COL12A1: variants seen among roughly 807,000 people sequenced by gnomAD.
COL12A1 encodes collagen type XII alpha 1 chain, also known as collagen alpha-1(XII) chain.
In COL12A1, 114 loss-of-function variants were observed where a neutral mutation model predicts 349.7. That is an observed-to-expected ratio of 0.33 (90% CI 0.28 to 0.38). The LOEUF (loss-of-function observed/expected upper bound fraction) is 0.38. COL12A1 is among the 10% of genes least tolerant of loss of function. The probability of loss-of-function intolerance (pLI) is 1.00; values close to 1 mark genes in which losing one functional copy is unlikely to be tolerated. For synonymous variants in COL12A1, 1,369 were observed against 1,329.0 expected, an observed-to-expected ratio of 1.03 and a Z score of -0.66; for missense variants, 3,284 against 3,756.9, an observed-to-expected ratio of 0.87 and a Z score of 3.29.
Position 75,130,905 on chromosome 6 carries a change from A to G in COL12A1, c.6014T>C (p.Val2005Ala), listed in dbSNP as rs1230755910. The G allele has an allele frequency of 6.2e-7, 1 of 1,614,120 alleles. No homozygotes were observed. Among genetic ancestry groups the G allele is most frequent in the Non-Finnish European group, 8.5e-7 (1 of 1,179,978 alleles). ...IPDTLYSVNL[V>A]ALYSDGEGNP... is the part of the protein sequence containing the mutation. The stretch of plus-strand genomic sequence containing the variant: ...TCCCTCTCCATCCGAGTACAGAGCC[A>G]CAAGGTTCACGGAATAGAGTGTGTC... Residue 2005 changes from valine (V) to alanine (A), a missense_variant, in exon 36 of 66, where the codon GTG becomes GCG. Transcript: ENST00000322507.
chr6:75,194,986 G>A (rs1254772292), intron 2 of COL12A1, 39 bp from the exon 3 acceptor site: 1 of 1,117,214 alleles, frequency 9.0e-7, no homozygotes, highest in African/African-American at 1.6e-5. Flanking sequence ...ACTTTTCAAT[G>A]TCACAAAATG....
At chr6:75,129,886 C>A (rs1442549937) in intron 37 of COL12A1, among the ~76,000 whole-genome samples, 2 of 151,836 alleles carry the variant, frequency 1.3e-5, no homozygotes, top group Non-Finnish European at 2.9e-5. Flanking sequence ...AAAATGAGCC[C>A]AAAGACATTG....
At chr6:75,096,402 C>G (rs945854283) in intron 59 of COL12A1, among the ~76,000 whole-genome samples, 1 of 152,158 alleles carries the variant, frequency 6.6e-6, no homozygotes, top group Non-Finnish European at 1.5e-5. Context: ...CTATCCATCA[C>G]CTCAAACAAT....
intron 59 of COL12A1, among the ~76,000 whole-genome samples, chr6:75,096,712 G>C (rs918618993): frequency 2.6e-5 from 4 of 151,932 alleles, no homozygotes; most frequent in South Asian, 2.1e-4. Context: ...CCGGCTAAAA[G>C]GGTGAAACCC....
chr6:75,121,550 T>C, intron 43 of COL12A1, 109 bp from the exon 44 acceptor site: 1 of 1,298,752 alleles, frequency 7.7e-7, no homozygotes, highest in African/African-American at 1.5e-5. Flanking sequence ...AAAGTGTGGT[T>C]CTGCAGCAAC....
intron 21 of COL12A1, 60 bp downstream of exon 21, chr6:75,151,079 AAT>A: frequency 1.8e-6 from 1 of 559,824 alleles, no homozygotes; most frequent in Non-Finnish European, 2.7e-6. Context: ...CACCCAAAAG[AAT>A]AATTATTTGG....
chr6:75,131,875 A>C, intron 35 of COL12A1, 65 bp downstream of exon 35: 1 of 1,578,400 alleles, frequency 6.3e-7, no homozygotes, highest in Non-Finnish European at 8.7e-7. Context: ...CCAGGCTATC[A>C]AACGTGACAC....
chr6:75,091,177 A>G (rs1767743696), intron 62 of COL12A1, 146 bp downstream of exon 62: 1 of 650,318 alleles, frequency 1.5e-6, no homozygotes, highest in Non-Finnish European at 2.6e-6. Flanking sequence ...CTAATCAGAT[A>G]CAAAACTGAC....
intron 14 of COL12A1, 61 bp downstream of exon 14, chr6:75,165,446 T>G: frequency 3.5e-5 from 55 of 1,564,634 alleles, no homozygotes; most frequent in Non-Finnish European, 4.3e-5. Context: ...GCATGTCACT[T>G]GAGCTGATAA....
At chr6:75,139,079 T>G in intron 27 of COL12A1, 118 bp from the exon 28 acceptor site, 1 of 1,179,320 alleles carries the variant, frequency 8.5e-7, no homozygotes, top group Non-Finnish European at 1.2e-6. Context: ...ATTGAATACA[T>G]TGCTTAGAAC....
rs368489584 is a variant in COL12A1, at chr6:75,183,308, T to C, written c.1633A>G (p.Met545Val). The C allele has an allele frequency of 5.6e-6, 9 of 1,614,240 alleles. No individual in the cohort carries two copies. The highest frequency in any genetic ancestry group is 7.6e-6 in the Non-Finnish European group (9 of 1,180,038). Residue 545 changes from methionine (M) to valine (V), a missense_variant, in exon 10 of 66, where the codon ATG (methionine) becomes GTG (valine). This residue lies in a region of COL12A1 where 2,601 missense variants were observed against 2,824.8 expected (regional missense o/e 0.92). Transcript: ENST00000322507. The part of the protein sequence containing the change: ...KGSRSNVPKV[M>V]ILITDGKSSD... ...GATTTCCCATCCGTGATAAGAATCA[T>C]GACCTTTGGCACATTGCTTCTTGAT...
chr6:75,155,650 G>A lies in COL12A1; in HGVS notation c.3443+12C>T, dbSNP rs765248166. ...AATTTCATCCTTTGATACAAACGTA[G>A]TTAATTCCTACCTAAGTTCCTCCAA... On this transcript the variant is annotated intron_variant, in intron 16 of 65. Coordinates refer to ENST00000322507, the MANE Select transcript of COL12A1 (RefSeq NM_004370.6). 1.3e-6 allele frequency: 2 copies of A among 1,593,540 alleles called. No individual in the cohort carries two copies. The highest frequency in any genetic ancestry group is 1.2e-5 in the South Asian group (1 of 86,414).
At chr6:75,148,543 A>G in intron 21 of COL12A1, 46 bp from the exon 22 acceptor site, 1 of 1,529,784 alleles carries the variant, frequency 6.5e-7, no homozygotes, top group Non-Finnish European at 9.0e-7. Flanking sequence ...TTATTGTAGA[A>G]AGGTGACAAT....
At chr6:75,134,664 A>C in intron 32 of COL12A1, 62 bp downstream of exon 32, 2 of 1,405,038 alleles carry the variant, frequency 1.4e-6, no homozygotes, top group Non-Finnish European at 9.5e-7. Context: ...TTCCAGATAA[A>C]GAGATGATTC....
intron 52 of COL12A1, among the ~76,000 whole-genome samples, chr6:75,107,090 A>T (rs1456559422): frequency 2.0e-5 from 3 of 151,104 alleles, no homozygotes; most frequent in African/African-American, 7.3e-5. Context: ...TTTGTAATAG[A>T]GGCGGGGTTT....
chr6:75,151,850 T>A lies in COL12A1; in HGVS notation c.4000+17A>T. 2 of 1,612,538 alleles carry A rather than the reference T, an allele frequency of 1.2e-6. No homozygotes were observed. Among genetic ancestry groups the A allele is most frequent in the Non-Finnish European group, 1.7e-6 (2 of 1,179,106 alleles). On this transcript the variant is annotated intron_variant, in intron 20 of 65. Transcript: ENST00000322507. The stretch of plus-strand genomic sequence containing the variant: ...ATTTGTAACCCCAGGGGCATCACTG[T>A]CCTTTTCAGTGCGTACCAATAGCAA...
rs188859272 is a variant in COL12A1, at chr6:75,087,319, C to T, written c.9181+258G>A. ...TCAATTACTAGCATGCTTTGAAGTC[C>T]CAAGAGAAGTAAGGGGAGGTTTATG... On this transcript the variant is annotated intron_variant, in intron 65 of 65. Coordinates refer to ENST00000322507, the MANE Select transcript of COL12A1 (RefSeq NM_004370.6). The T allele has an allele frequency of 2.1e-5, 9 of 422,998 alleles. No individual in the cohort carries two copies. The East Asian group carries it at 2.5e-4, about 12-fold the overall frequency. 26.2% of individuals were successfully genotyped at this position (422,998 alleles called of 1,614,324 possible).
chr6:75,139,038 T>C lies in COL12A1; in HGVS notation c.4958-77A>G, dbSNP rs1204051697. The C allele has an allele frequency of 6.6e-6, 10 of 1,519,954 alleles. No homozygotes were observed. The South Asian group carries it at 1.1e-4, about 16-fold the overall frequency. The allele number at this position is 1,519,954 out of a possible 1,614,324, so 94.2% of individuals were successfully genotyped here. A position where few individuals can be genotyped will look rare whatever the true frequency, so the allele number is the denominator to read the frequency against. ...GCAATTTAATATAATAAAAACTGCC[T>C]TGTTTTATATTAATGGACATCTGAA... On this transcript the variant is annotated intron_variant, in intron 27 of 65. Transcript: ENST00000322507.
chr6:75,196,729 C>G (rs1381420385), intron 2 of COL12A1, among the ~76,000 whole-genome samples: 1 of 152,074 alleles, frequency 6.6e-6, no homozygotes, highest in African/African-American at 2.4e-5. Flanking sequence ...TGGCTCAGGA[C>G]AAATTTAATG....
Sources: allele counts gnomAD v4.1 joint callset (sites outside exome capture counted in the v4.1 genomes callset), GRCh38; gene constraint gnomAD v4.1.1; regional missense constraint gnomAD v4.1.1; transcripts MANE v1.5; gene names NCBI Gene and HGNC (gene_info 2026-07-23, HGNC 2026-07-21).